DSCAML1: variants seen among roughly 807,000 people sequenced by gnomAD.
The protein encoded by DSCAML1 is cell adhesion molecule DSCAML1.
Under a neutral mutation model 200.5 loss-of-function variants are expected in DSCAML1, and 38 were observed. That is an observed-to-expected ratio of 0.19 (90% confidence interval 0.15 to 0.25). The LOEUF is 0.25. DSCAML1 is among the 10% of genes least tolerant of loss of function. The pLI, the probability that DSCAML1 is intolerant of heterozygous loss-of-function variation, is 1.00. For synonymous variants in DSCAML1, 1,215 were observed against 1,165.0 expected (o/e 1.04, Z -0.87); for missense variants, 2,223 against 2,858.8 (o/e 0.78, Z 5.07).
intron 20 of DSCAML1, among the ~76,000 whole-genome samples, chr11:117,449,636 T>TCCTTGCTTCCGC (rs1565690893): frequency 3.9e-5 from 6 of 152,174 alleles, no homozygotes; most frequent in Admixed American, 2.6e-4. Flanking sequence ...CTTGCTTCCG[T>TCCTTGCTTCCGC]TCCTTGCTTC....
At chr11:117,687,917 G>A (rs1290160180) in intron 3 of DSCAML1, among the ~76,000 whole-genome samples, 1 of 152,182 alleles carries the variant, frequency 6.6e-6, no homozygotes, top group Non-Finnish European at 1.5e-5. Context: ...ATGGCCAGAT[G>A]GGCCACGTGG....
intron 3 of DSCAML1, among the ~76,000 whole-genome samples, chr11:117,535,856 A>G (rs2050158553): frequency 7.8e-6 from 1 of 128,914 alleles, no homozygotes; most frequent in African/African-American, 3.0e-5. Context: ...CCGGCACCTC[A>G]AGACAAACAG....
intron 3 of DSCAML1, among the ~76,000 whole-genome samples, chr11:117,601,422 C>A (rs2051464238): frequency 1.3e-5 from 2 of 152,166 alleles, no homozygotes; most frequent in South Asian, 2.1e-4. Context: ...GAGGGCCCAG[C>A]TGAGATGTCC....
intron 8 of DSCAML1, among the ~76,000 whole-genome samples, chr11:117,514,115 A>G (rs1030660665): frequency 6.6e-6 from 1 of 152,228 alleles, no homozygotes; most frequent in Non-Finnish European, 1.5e-5. Flanking sequence ...AGCAGCAGCC[A>G]GGGGGTCCCC....
At chr11:117,593,289 C>T (rs1400377030) in intron 3 of DSCAML1, among the ~76,000 whole-genome samples, 17 of 152,218 alleles carry the variant, frequency 1.1e-4, no homozygotes, top group Non-Finnish European at 5.9e-5. Context: ...CCCCTGCTCC[C>T]GCCCACCCTG....
chr11:117,502,717 A>G (rs7112940), intron 11 of DSCAML1, among the ~76,000 whole-genome samples: 68,258 of 152,006 alleles, frequency 0.45, 15,491 homozygotes, highest in South Asian at 0.59. Context: ...AGGGACTGCC[A>G]CTACACATAA....
At chr11:117,454,069 C>G (rs1243718167) in intron 19 of DSCAML1, among the ~76,000 whole-genome samples, 1 of 152,160 alleles carries the variant, frequency 6.6e-6, no homozygotes, top group Non-Finnish European at 1.5e-5. Context: ...GGCTTGATAT[C>G]TTTCATCAGT....
At chr11:117,667,811 A>G (rs958594759) in intron 3 of DSCAML1, among the ~76,000 whole-genome samples, 44 of 152,318 alleles carry the variant, frequency 2.9e-4, no homozygotes, top group African/African-American at 1.0e-3. Context: ...CCCATTCAGT[A>G]TCCAGTACTT....
Position 117,516,777 on chromosome 11 carries a change from G to A in DSCAML1, c.1511-38C>T, listed in dbSNP as rs752688355. The A allele has an allele frequency of 1.3e-6, 2 of 1,583,622 alleles. No homozygotes were observed. The highest frequency in any genetic ancestry group is 1.2e-5 in the South Asian group (1 of 85,572). ...CAGAAGAGAGGAGGAGGAGGAGAAG[G>A]GCATGTGCTGCTGTCAGCCAGGGAC... On this transcript the variant is annotated intron_variant, in intron 7 of 32. Transcript: ENST00000651296. The surrounding 1 kb of genome is among the most constrained non-coding windows in gnomAD (Gnocchi z 5.7).
chr11:117,767,255 G>A (rs904149627), intron 3 of DSCAML1, among the ~76,000 whole-genome samples: 1 of 152,060 alleles, frequency 6.6e-6, no homozygotes, highest in African/African-American at 2.4e-5. Context: ...GTATGGCCTT[G>A]GGAAGGCTGA....
At chr11:117,435,985 A>G (rs1484580246) in intron 26 of DSCAML1, among the ~76,000 whole-genome samples, 186 bp from the exon 27 acceptor site, 1 of 152,150 alleles carries the variant, frequency 6.6e-6, no homozygotes, top group Non-Finnish European at 1.5e-5. Context: ...ACAGCCATGA[A>G]CAGTTGTGTA....
chr11:117,740,095 G>C (rs1376973292), intron 3 of DSCAML1, among the ~76,000 whole-genome samples: 1 of 152,202 alleles, frequency 6.6e-6, no homozygotes, highest in Non-Finnish European at 1.5e-5. Flanking sequence ...GCACCTTCAA[G>C]AGAGAGGGGC....
chr11:117,660,339 A>G (rs2052821350), intron 3 of DSCAML1, among the ~76,000 whole-genome samples: 1 of 152,188 alleles, frequency 6.6e-6, no homozygotes, highest in Non-Finnish European at 1.5e-5. Context: ...CCAGACCTAA[A>G]TTGAGGGCTT....
At chr11:117,796,002 A>T (rs1591519675) in intron 1 of DSCAML1, among the ~76,000 whole-genome samples, 1 of 152,204 alleles carries the variant, frequency 6.6e-6, no homozygotes, top group Non-Finnish European at 1.5e-5. Flanking sequence ...CCACCACGCA[A>T]GGGCGCGGAG....
intron 3 of DSCAML1, among the ~76,000 whole-genome samples, chr11:117,683,382 A>G (rs1299157851): frequency 4.6e-5 from 7 of 152,206 alleles, no homozygotes; most frequent in Non-Finnish European, 8.8e-5. Flanking sequence ...AGAGCACAAG[A>G]CCTACTGCGT....
At chr11:117,806,775 C>A (rs2055710198) in intron 1 of DSCAML1, among the ~76,000 whole-genome samples, 1 of 152,140 alleles carries the variant, frequency 6.6e-6, no homozygotes, top group African/African-American at 2.4e-5. Context: ...ACTGCTGTTA[C>A]ATTTTTTAAA....
chr11:117,603,255 C>T (rs572943264), intron 3 of DSCAML1, among the ~76,000 whole-genome samples: 45 of 152,334 alleles, frequency 3.0e-4, no homozygotes, highest in African/African-American at 1.0e-3. Flanking sequence ...CTGCAATCCT[C>T]ATCCTAAAAC....
chr11:117,799,490 A>C (rs759195123), upstream of DSCAML1, among the ~76,000 whole-genome samples: 1 of 152,062 alleles, frequency 6.6e-6, no homozygotes, highest in Non-Finnish European at 1.5e-5. Context: ...GAACCACAAC[A>C]TGTGTGTTAC....
At chr11:117,442,816 A>G (rs2048095740) in intron 21 of DSCAML1, among the ~76,000 whole-genome samples, 1 of 152,054 alleles carries the variant, frequency 6.6e-6, no homozygotes, top group Non-Finnish European at 1.5e-5. Flanking sequence ...GGCTGTGTGG[A>G]AAGAGCCCTG....
Sources: allele counts gnomAD v4.1 joint callset (sites outside exome capture counted in the v4.1 genomes callset), GRCh38; gene constraint gnomAD v4.1.1; non-coding constraint Gnocchi (gnomAD v3.1); transcripts MANE v1.5; gene names NCBI Gene and HGNC (gene_info 2026-07-23, HGNC 2026-07-21).